The following UNC80 variants were observed in gnomAD, a reference collection of about 807,000 sequenced individuals.
The protein encoded by UNC80 is protein unc-80 homolog.
A neutral mutation model predicts 384.6 loss-of-function variants in UNC80; 164 were observed. The ratio of observed to expected loss-of-function variants is 0.43; its 90% CI spans 0.38 to 0.49. UNC80 has a LOEUF of 0.49. UNC80 is among the 20% of genes least tolerant of loss of function. The pLI is 0.00. For synonymous variants in UNC80, 1,486 were observed against 1,527.8 expected (o/e 0.97, Z 0.64); for missense variants, 3,330 against 4,143.0 (o/e 0.80, Z 5.39).
At chr2:209,915,742 G>A (rs1217372493) in intron 31 of UNC80, among the ~76,000 whole-genome samples, 3 of 152,206 alleles carry the variant, frequency 2.0e-5, no homozygotes, top group Non-Finnish European at 4.4e-5. Context: ...GTAGAGGAAG[G>A]ATGAGGAGAA....
intron 26 of UNC80, among the ~76,000 whole-genome samples, chr2:209,890,065 A>G (rs1330976034): frequency 1.3e-5 from 2 of 152,262 alleles, no homozygotes; most frequent in South Asian, 2.1e-4. Context: ...TATTATTATT[A>G]TTATATATCA....
intron 35 of UNC80, 121 bp from the exon 36 acceptor site, chr2:209,926,722 G>A (rs1197914634): frequency 4.1e-6 from 5 of 1,232,330 alleles, no homozygotes; most frequent in Non-Finnish European, 4.5e-6. Context: ...GCTGCAGTGA[G>A]CAGTGATCAT....
intron 6 of UNC80, 38 bp from the exon 7 acceptor site, chr2:209,793,682 A>G (rs2077975105): frequency 6.2e-7 from 1 of 1,605,890 alleles, no homozygotes; most frequent in Admixed American, 1.7e-5. Flanking sequence ...ACAAAAAACA[A>G]AAAACAAAAC....
At chr2:209,911,296 T>C (rs184888533) in intron 29 of UNC80, among the ~76,000 whole-genome samples, 161 of 152,338 alleles carry the variant, frequency 1.1e-3, no homozygotes, top group Middle Eastern at 3.4e-3. Flanking sequence ...CTTCAAGTTA[T>C]ATAAAATGGG....
chr2:209,821,688 A>T (rs1266311810), intron 13 of UNC80, among the ~76,000 whole-genome samples: 2 of 152,136 alleles, frequency 1.3e-5, no homozygotes, highest in Non-Finnish European at 2.9e-5. Context: ...CTGGTATATG[A>T]TTTCTTAACA....
At chr2:209,775,823 C>G in intron 2 of UNC80, 66 bp from the exon 3 acceptor site, 1 of 1,527,712 alleles carries the variant, frequency 6.5e-7, no homozygotes. Context: ...CCAGAATCTT[C>G]AATTTCTTAG....
chr2:209,991,666 C>T (rs2093394193), intron 61 of UNC80, among the ~76,000 whole-genome samples: 1 of 152,216 alleles, frequency 6.6e-6, no homozygotes, highest in Admixed American at 6.5e-5. Flanking sequence ...ACAGAGACTT[C>T]AGGCTGCAAA....
At chr2:209,953,838 A>G (rs926735145) in intron 47 of UNC80, among the ~76,000 whole-genome samples, 2 of 152,120 alleles carry the variant, frequency 1.3e-5, no homozygotes, top group Non-Finnish European at 2.9e-5. Flanking sequence ...TCAACCATTT[A>G]TTTGTATATA....
At position 209,839,181 on chromosome 2, in the gene UNC80, G is replaced by C; in HGVS notation, c.3042-41G>C. ...AAAGAAATTTAGGAGAATTTCTCAA[G>C]TGTTGTCAGAAGTTTAACCCTATCC... On this transcript the variant is annotated intron_variant, in intron 18 of 64. Transcript: ENST00000673920. The surrounding 1 kb of genome is among the most constrained non-coding windows in gnomAD (Gnocchi z 4.1). The C allele has an allele frequency of 6.6e-7, 1 of 1,516,044 alleles. No homozygotes were observed. The highest frequency in any genetic ancestry group is 8.9e-7 in the Non-Finnish European group (1 of 1,119,508). 93.9% of individuals were successfully genotyped at this position (1,516,044 alleles called of 1,614,324 possible). A position where few individuals can be genotyped will look rare whatever the true frequency, so the allele number is the denominator to read the frequency against.
intron 23 of UNC80, among the ~76,000 whole-genome samples, chr2:209,874,836 A>G (rs906396937): frequency 2.6e-4 from 40 of 152,228 alleles, no homozygotes; most frequent in Non-Finnish European, 2.6e-4. Context: ...CTAGAACTCA[A>G]TCTTCCAAAA....
rs567526528 is a variant in UNC80 at position 209,930,626 on chromosome 2, C to T, written c.5908-342C>T. On this transcript the variant is annotated intron_variant, in intron 37 of 64. Transcript: ENST00000673920. ...TCAACATAGGTCCTCCTCATAGTCC[C>T]GTCATATCAGGCTACCATGGCCAAT... Among the ~76,000 whole-genome samples, 3 of 152,222 alleles carry T rather than the reference C, an allele frequency of 2.0e-5. No homozygotes were observed. In the East Asian group the frequency reaches 5.8e-4, roughly 29 times the overall value.
Position 209,962,851 on chromosome 2 carries a change from A to C in UNC80, c.7805+3144A>C, listed in dbSNP as rs575517310. On this transcript the variant is annotated intron_variant, in intron 51 of 64. Coordinates refer to ENST00000673920, the MANE Select transcript of UNC80 (RefSeq NM_001371986.1). ...AAGTGCGCACTTGAATATGTGTAAA[A>C]GTTGGAGCTTAATATATAAATTTGC... is the stretch of plus-strand genomic sequence containing the variant. Among the ~76,000 whole-genome samples, 63 of 152,224 alleles carry C rather than the reference A, an allele frequency of 4.1e-4. 1 individual carries two copies. Among genetic ancestry groups the C allele is most frequent in the Non-Finnish European group, 6.6e-4 (45 of 68,038 alleles).
intron 22 of UNC80, among the ~76,000 whole-genome samples, chr2:209,853,359 A>G (rs7599672): frequency 0.044 from 6,669 of 152,184 alleles, 492 homozygotes; most frequent in African/African-American, 0.15. Flanking sequence ...CTTCAGAATT[A>G]AAAAGAATTG....
At chr2:209,835,569 C>A (rs909479763) in intron 18 of UNC80, among the ~76,000 whole-genome samples, 2 of 152,130 alleles carry the variant, frequency 1.3e-5, no homozygotes, top group African/African-American at 4.8e-5. Flanking sequence ...TAAATTAGTG[C>A]CCCCAGAAAA....
chr2:209,886,146 C>T (rs1184951543), intron 25 of UNC80, among the ~76,000 whole-genome samples: 3 of 151,686 alleles, frequency 2.0e-5, no homozygotes, highest in East Asian at 3.8e-4. Flanking sequence ...TAAAAAATTA[C>T]AAAATATTTT....
In UNC80 at chr2:209,829,322, A is replaced by G; in HGVS notation, c.2569A>G (p.Asn857Asp). 6.4e-7 allele frequency: 1 copy of G among 1,551,314 alleles called. No individual in the cohort carries two copies. Among genetic ancestry groups the G allele is most frequent in the East Asian group, 2.4e-5 (1 of 40,906 alleles). ...RDYVNKDSLN[N>D]VVDFLHALLG... ...CTATGTGAACAAGGACTCTCTCAAT[A>G]ATGTAGTGGACTTCTTGCATGCTTT... is the stretch of plus-strand genomic sequence containing the variant. The change falls in exon 15 of 65, where the codon AAT becomes GAT. Residue 857 changes from asparagine to aspartate, a missense_variant. Coordinates refer to ENST00000673920, the MANE Select transcript of UNC80 (RefSeq NM_001371986.1).
chr2:209,780,545 C>T (rs559016511), intron 4 of UNC80, among the ~76,000 whole-genome samples: 1 of 152,190 alleles, frequency 6.6e-6, no homozygotes, highest in Admixed American at 6.5e-5. Flanking sequence ...CATTTGGGGC[C>T]AGATAATTCT....
chr2:209,976,403 G>A lies in UNC80; in HGVS notation c.8772+100G>A. The A allele has an allele frequency of 8.3e-6, 12 of 1,452,058 alleles. No individual in the cohort carries two copies. Among genetic ancestry groups the A allele is most frequent in the Non-Finnish European group, 1.0e-5 (11 of 1,067,492 alleles). 89.9% of individuals were successfully genotyped at this position (1,452,058 alleles called of 1,614,324 possible). A position where few individuals can be genotyped will look rare whatever the true frequency, so the allele number is the denominator to read the frequency against. On this transcript the variant is annotated intron_variant, in intron 57 of 64. Transcript: ENST00000673920. The surrounding 1 kb of genome is among the most constrained non-coding windows in gnomAD (Gnocchi z 4.3). ...GGCAGGAGTGCTCATGGTACCTACT[G>A]TTGCCAGTTAGTAGGGCCTGTTAAT...
chr2:209,997,847 G>A lies in UNC80; in HGVS notation c.*2252G>A, dbSNP rs1213002467. 6.6e-6 allele frequency: 1 copy of A among 152,038 alleles called. No homozygotes were observed. The highest frequency in any genetic ancestry group is 1.9e-4 in the East Asian group (1 of 5,194). 9.4% of individuals were successfully genotyped at this position (152,038 alleles called of 1,614,324 possible). On this transcript the variant is annotated 3_prime_UTR_variant, in exon 65 of 65. Transcript: ENST00000673920. Reference sequence around the variant, plus strand: ...ATGTGTTGAATGTAATGTGTTGAATGTTTATGTGTAATGGCTAAAGTATCT... The same window carrying A: ...ATGTGTTGAATGTAATGTGTTGAATATTTATGTGTAATGGCTAAAGTATCT...
Sources: gnomAD v4.1 joint callset for allele counts (sites outside exome capture counted in the v4.1 genomes callset) on GRCh38, gnomAD v4.1.1 for gene constraint, Gnocchi (gnomAD v3.1) non-coding constraint, MANE v1.5 for transcripts, NCBI Gene and HGNC (gene_info 2026-07-23, HGNC 2026-07-21) for gene names.